Variants in CSMD1 observed in about 807,000 individuals in gnomAD.
CSMD1 encodes the protein CUB and sushi domain-containing protein 1.
CSMD1 carries 213 observed loss-of-function variants against 417.5 expected under a neutral mutation model. The observed-to-expected ratio is 0.51, with a 90% confidence interval of 0.46 to 0.57. CSMD1 has a LOEUF of 0.57. Ranked by LOEUF, CSMD1 falls within the 20% of genes least tolerant of loss-of-function variation. The probability of loss-of-function intolerance (pLI) is 0.00; values close to 1 mark genes in which losing one functional copy is unlikely to be tolerated. For missense variants in CSMD1, 6,923 were observed against 4,529.7 expected (o/e 1.53, Z -15.17); for synonymous variants, 2,862 against 1,736.8 (o/e 1.65, Z -16.11).
At chr8:3,447,843 C>T (rs1243508276) in intron 12 of CSMD1, among the ~76,000 whole-genome samples, 5 of 152,164 alleles carry the variant, frequency 3.3e-5, no homozygotes, top group Non-Finnish European at 4.4e-5. Flanking sequence ...GAGATGGAGG[C>T]CATCGGAGGT....
intron 1 of CSMD1, among the ~76,000 whole-genome samples, chr8:4,841,827 C>T (rs1800851227): frequency 7.4e-6 from 1 of 135,374 alleles, no homozygotes; most frequent in South Asian, 2.5e-4. Context: ...AGGAGAATCG[C>T]TTGAACCTGG....
At chr8:3,149,785 T>C (rs1427952614) in intron 40 of CSMD1, among the ~76,000 whole-genome samples, 1 of 152,186 alleles carries the variant, frequency 6.6e-6, no homozygotes, top group Non-Finnish European at 1.5e-5. Context: ...TATGTGGGTA[T>C]TTCAGGTATA....
chr8:4,078,060 T>C (rs556979767), intron 3 of CSMD1, among the ~76,000 whole-genome samples: 4 of 152,170 alleles, frequency 2.6e-5, no homozygotes, highest in Non-Finnish European at 2.9e-5. Context: ...TAGGAAAAAA[T>C]ATGTTTGTAA....
intron 1 of CSMD1, among the ~76,000 whole-genome samples, chr8:4,884,034 T>A (rs1429925168): frequency 6.6e-6 from 1 of 152,060 alleles, no homozygotes; most frequent in Non-Finnish European, 1.5e-5. Flanking sequence ...TCGTAGTGAA[T>A]GTCAAATGGT....
At chr8:4,116,951 G>C (rs1021388735) in intron 3 of CSMD1, among the ~76,000 whole-genome samples, 6 of 152,168 alleles carry the variant, frequency 3.9e-5, no homozygotes, top group African/African-American at 1.4e-4. Context: ...CATGAAGTCT[G>C]AGAATCAGGC....
At chr8:4,730,828 T>C (rs532683737) in intron 1 of CSMD1, among the ~76,000 whole-genome samples, 11 of 152,192 alleles carry the variant, frequency 7.2e-5, no homozygotes, top group African/African-American at 2.6e-4. Context: ...TTTTTGTGCA[T>C]AATGCTTTAT....
At chr8:3,142,234 GCT>G (rs1818547965) in intron 41 of CSMD1, among the ~76,000 whole-genome samples, 1 of 152,112 alleles carries the variant, frequency 6.6e-6, no homozygotes, top group South Asian at 2.1e-4. Context: ...TGATAAATCG[GCT>G]CTGTCTGGGC....
At chr8:4,622,867 A>G (rs1801862845) in intron 2 of CSMD1, among the ~76,000 whole-genome samples, 2 of 152,166 alleles carry the variant, frequency 1.3e-5, no homozygotes, top group Admixed American at 6.6e-5. Context: ...AAAATTTCTC[A>G]TGGAATCTTT....
At chr8:4,091,282 T>G (rs887520498) in intron 3 of CSMD1, among the ~76,000 whole-genome samples, 1 of 152,096 alleles carries the variant, frequency 6.6e-6, no homozygotes, top group Admixed American at 6.6e-5. Flanking sequence ...TCTAATAAAA[T>G]TTCCAATTTT....
chr8:3,645,544 G>A (rs1041108642), intron 7 of CSMD1, among the ~76,000 whole-genome samples: 5 of 152,208 alleles, frequency 3.3e-5, no homozygotes, highest in Non-Finnish European at 5.9e-5. Flanking sequence ...TGAAGCTGCA[G>A]GAGAGATCAT....
chr8:4,049,565 A>C (rs1798315913), intron 3 of CSMD1, among the ~76,000 whole-genome samples: 1 of 151,980 alleles, frequency 6.6e-6, no homozygotes, highest in Admixed American at 6.6e-5. Context: ...CTAGATTTTT[A>C]TACCCAACTA....
chr8:3,359,006 C>T (rs896715497), intron 21 of CSMD1, 146 bp downstream of exon 21: 1 of 676,850 alleles, frequency 1.5e-6, no homozygotes. Flanking sequence ...GCTCCCCTCT[C>T]CCCTGGTTGG....
intron 3 of CSMD1, among the ~76,000 whole-genome samples, chr8:4,140,875 T>C (rs981318616): frequency 2.6e-5 from 4 of 151,058 alleles, no homozygotes; most frequent in South Asian, 2.1e-4. Context: ...ATTTGGGAGA[T>C]TGCTGATCGC....
At chr8:3,553,338 T>C (rs890935268) in intron 10 of CSMD1, among the ~76,000 whole-genome samples, 10 of 152,288 alleles carry the variant, frequency 6.6e-5, no homozygotes, top group African/African-American at 2.4e-4. Context: ...TTATAATAAT[T>C]TGAGAAGTCA....
At chr8:3,397,460 C>G (rs1055905368) in intron 16 of CSMD1, among the ~76,000 whole-genome samples, 3 of 152,156 alleles carry the variant, frequency 2.0e-5, no homozygotes, top group Non-Finnish European at 4.4e-5. Flanking sequence ...ATTCCTGCAA[C>G]TAGTGAATGT....
At chr8:3,761,962 T>G (rs1396304338) in intron 5 of CSMD1, among the ~76,000 whole-genome samples, 3 of 152,146 alleles carry the variant, frequency 2.0e-5, no homozygotes, top group Non-Finnish European at 2.9e-5. Flanking sequence ...TCCACACCAG[T>G]GGCCATAAGC....
At chr8:4,546,504 G>A (rs1156655284) in intron 2 of CSMD1, among the ~76,000 whole-genome samples, 1 of 152,148 alleles carries the variant, frequency 6.6e-6, no homozygotes, top group Non-Finnish European at 1.5e-5. Context: ...AAGATAAACG[G>A]TGAATTTTCT....
At chr8:4,754,376 G>A (rs1811535042) in intron 1 of CSMD1, among the ~76,000 whole-genome samples, 1 of 151,960 alleles carries the variant, frequency 6.6e-6, no homozygotes, top group South Asian at 2.1e-4. Context: ...ACCCACATCA[G>A]GTATTAATTG....
chr8:3,943,089 A>T (rs2129784582), intron 5 of CSMD1, among the ~76,000 whole-genome samples: 1 of 152,152 alleles, frequency 6.6e-6, no homozygotes, highest in East Asian at 1.9e-4. Flanking sequence ...ACCCCACATT[A>T]CCTGGGATTC....
Sources: gnomAD v4.1 joint callset for allele counts (sites outside exome capture counted in the v4.1 genomes callset) on GRCh38, gnomAD v4.1.1 for gene constraint, MANE v1.5 for transcripts, NCBI Gene and HGNC (gene_info 2026-07-23, HGNC 2026-07-21) for gene names.